Variants in SWT1 observed in about 807,000 individuals in gnomAD.
The protein encoded by SWT1 is SWT1 RNA endoribonuclease homolog, also known as transcriptional protein SWT1.
In SWT1, 33 loss-of-function variants were observed where a neutral mutation model predicts 107.3. The observed-to-expected ratio is 0.31, with a 90% confidence interval of 0.23 to 0.41. The LOEUF (loss-of-function observed/expected upper bound fraction) is 0.41. Ranked by LOEUF, SWT1 falls within the 10% of genes least tolerant of loss-of-function variation. The pLI, the probability that SWT1 is intolerant of heterozygous loss-of-function variation, is 1.00. For synonymous variants in SWT1, 345 were observed against 348.3 expected, an observed-to-expected ratio of 0.99 and a Z score of 0.11; for missense variants, 898 against 1,028.9, an observed-to-expected ratio of 0.87 and a Z score of 1.74.
chr1:185,204,304 C>A (rs1236030338), intron 11 of SWT1, among the ~76,000 whole-genome samples: 1 of 151,900 alleles, frequency 6.6e-6, no homozygotes, highest in Non-Finnish European at 1.5e-5. Context: ...AAAAATATTC[C>A]ATTTTTGGAA....
At position 185,290,772 on chromosome 1, in the gene SWT1, G is replaced by T; in HGVS notation, c.2672G>T (p.Trp891Leu). The T allele has an allele frequency of 6.2e-7, 1 of 1,611,322 alleles. No homozygotes were observed. Among genetic ancestry groups the T allele is most frequent in the Non-Finnish European group, 8.5e-7 (1 of 1,178,258 alleles). ...SVYMEAKNRGWCEDMLNYRI is the reference protein window; with the variant it reads ...SVYMEAKNRGLCEDMLNYRI ...TATATGGAGGCCAAAAACAGGGGAT[G>T]GTGTGAAGACATGCTCAACTATAGG... is the stretch of plus-strand genomic sequence containing the variant. The change falls in exon 19 of 19, where the codon TGG becomes TTG. Residue 891 changes from tryptophan (W) to leucine (L), a missense_variant. By Grantham distance (61) the Trp-to-Leu change is moderately conservative. Coordinates refer to ENST00000367500, the MANE Select transcript of SWT1 (RefSeq NM_017673.7).
At chr1:185,251,051 CT>C (rs748623808) in intron 16 of SWT1, among the ~76,000 whole-genome samples, 68 of 152,300 alleles carry the variant, frequency 4.5e-4, no homozygotes, top group Non-Finnish European at 7.1e-4. Context: ...AAAAACCATT[CT>C]TTTATGGCTT....
At chr1:185,268,140 TAAC>T (rs1663540104) in intron 16 of SWT1, among the ~76,000 whole-genome samples, 1 of 152,208 alleles carries the variant, frequency 6.6e-6, no homozygotes, top group African/African-American at 2.4e-5. Flanking sequence ...TCTTTCAAAA[TAAC>T]AAATTTTATC....
intron 14 of SWT1, among the ~76,000 whole-genome samples, chr1:185,215,417 A>G (rs1264288619): frequency 6.6e-6 from 1 of 152,158 alleles, no homozygotes. Flanking sequence ...TTGATACAAT[A>G]GTTATCTGTG....
chr1:185,290,876 C>A lies in SWT1; in HGVS notation c.*73C>A. The A allele has an allele frequency of 7.6e-7, 1 of 1,321,970 alleles. No homozygotes were observed. 81.9% of individuals were successfully genotyped at this position (1,321,970 alleles called of 1,614,324 possible). On this transcript the variant is annotated 3_prime_UTR_variant, in exon 19 of 19. Transcript: ENST00000367500. ...CAGAGTAGTTTTCAATCTGGTCACTCTTTTGGGCCAAACCCAAGAGAATTT... is the reference window on the plus strand; with the variant it reads ...CAGAGTAGTTTTCAATCTGGTCACTATTTTGGGCCAAACCCAAGAGAATTT...
chr1:185,187,616 AATTT>A (rs1286229769), intron 9 of SWT1, among the ~76,000 whole-genome samples: 5 of 152,224 alleles, frequency 3.3e-5, no homozygotes, highest in African/African-American at 7.2e-5. Context: ...ATTTATATAG[AATTT>A]ATTTATTCTG....
intron 16 of SWT1, among the ~76,000 whole-genome samples, chr1:185,259,456 T>C (rs1356188861): frequency 2.0e-5 from 3 of 152,126 alleles, no homozygotes; most frequent in African/African-American, 7.2e-5. Context: ...TTAGGAATTT[T>C]ATTTTACCAG....
chr1:185,234,197 C>G (rs1479923608), intron 16 of SWT1, among the ~76,000 whole-genome samples: 1 of 152,130 alleles, frequency 6.6e-6, no homozygotes. Context: ...ATTGATCTGT[C>G]TAATATTGAC....
At chr1:185,245,864 G>T (rs548750697) in intron 16 of SWT1, among the ~76,000 whole-genome samples, 2 of 152,052 alleles carry the variant, frequency 1.3e-5, no homozygotes, top group South Asian at 4.2e-4. Flanking sequence ...TGCCTCCCAG[G>T]TTGAAGTGAT....
intron 16 of SWT1, among the ~76,000 whole-genome samples, chr1:185,244,166 A>G (rs1661442575): frequency 6.6e-6 from 1 of 151,956 alleles, no homozygotes. Context: ...TTGAACCCCT[A>G]TTCTCAAGCT....
At chr1:185,232,530 A>G (rs900942473) in intron 16 of SWT1, among the ~76,000 whole-genome samples, 5 of 152,172 alleles carry the variant, frequency 3.3e-5, no homozygotes, top group African/African-American at 1.2e-4. Flanking sequence ...TCATATTAAA[A>G]CAGATCTTGC....
At chr1:185,273,560 G>A (rs552560054) in intron 17 of SWT1, among the ~76,000 whole-genome samples, 15 of 150,908 alleles carry the variant, frequency 9.9e-5, no homozygotes, top group African/African-American at 3.4e-4. Flanking sequence ...AAAATTAGCC[G>A]GGTATGGTGG....
chr1:185,164,318 G>A (rs1250182094), intron 2 of SWT1, among the ~76,000 whole-genome samples: 1 of 152,040 alleles, frequency 6.6e-6, no homozygotes, highest in Non-Finnish European at 1.5e-5. Flanking sequence ...CATTCTTAAG[G>A]TACCTAGGAT....
chr1:185,168,005 G>A (rs977970387), intron 3 of SWT1, among the ~76,000 whole-genome samples: 2 of 152,020 alleles, frequency 1.3e-5, no homozygotes, highest in Non-Finnish European at 2.9e-5. Context: ...AGCTCTTTAG[G>A]ACATGGATTA....
chr1:185,246,245 G>A (rs986618689), intron 16 of SWT1, among the ~76,000 whole-genome samples: 3 of 152,014 alleles, frequency 2.0e-5, no homozygotes, highest in African/African-American at 7.2e-5. Context: ...TGGCCAGAGG[G>A]ACAGATCTAT....
intron 5 of SWT1, among the ~76,000 whole-genome samples, chr1:185,179,876 A>G (rs1655874749): frequency 6.6e-6 from 1 of 152,196 alleles, no homozygotes; most frequent in African/African-American, 2.4e-5. Context: ...ATGCCAGGAA[A>G]CATTTTCGAT....
chr1:185,240,111 G>C (rs1263793920), intron 16 of SWT1, among the ~76,000 whole-genome samples: 2 of 152,074 alleles, frequency 1.3e-5, no homozygotes. Flanking sequence ...CTGTGAAATA[G>C]ATGATGAGCT....
At chr1:185,236,714 C>A (rs1311086475) in intron 16 of SWT1, among the ~76,000 whole-genome samples, 2 of 152,066 alleles carry the variant, frequency 1.3e-5, no homozygotes, top group Admixed American at 6.6e-5. Flanking sequence ...CCAAAATAGA[C>A]CAATGGGTTC....
chr1:185,212,728 G>A (rs1319613363), intron 13 of SWT1, among the ~76,000 whole-genome samples: 2 of 151,698 alleles, frequency 1.3e-5, no homozygotes, highest in African/African-American at 4.8e-5. Context: ...ACTTGAACCC[G>A]GGAGGTGGAG....
Sources: allele counts gnomAD v4.1 joint callset (sites outside exome capture counted in the v4.1 genomes callset), GRCh38; gene constraint gnomAD v4.1.1; transcripts MANE v1.5; gene names NCBI Gene and HGNC (gene_info 2026-07-23, HGNC 2026-07-21).